Variants in RBFOX1 observed in about 807,000 individuals in gnomAD.
RBFOX1 encodes RNA binding protein fox-1 homolog 1.
Under a neutral mutation model 57.7 loss-of-function variants are expected in RBFOX1, and 8 were observed. The ratio of observed to expected loss-of-function variants is 0.14; its 90% CI spans 0.08 to 0.25. The LOEUF is 0.25. Ranked by LOEUF, RBFOX1 falls within the 10% of genes least tolerant of loss-of-function variation. The pLI is 1.00. For missense variants in RBFOX1, 611 were observed against 548.5 expected (o/e 1.11, Z -1.14); for synonymous variants, 326 against 222.4 (o/e 1.47, Z -4.15).
At chr16:6,982,454 C>T (rs574206699) in intron 3 of RBFOX1, among the ~76,000 whole-genome samples, 6 of 152,240 alleles carry the variant, frequency 3.9e-5, no homozygotes, top group Middle Eastern at 3.4e-3. Flanking sequence ...TTCATTGCAG[C>T]GAGCTCCTTC....
At position 5,384,635 on chromosome 16, in the gene RBFOX1, T is replaced by C. The variant is rs149224783; in HGVS notation, c.220-82581T>C. The stretch of plus-strand genomic sequence containing the variant: ...ATTCTAGGTTTTTGAGCAGAAGAAG[T>C]AGTTGATAAAAATGAAATTTTATGA... On this transcript the variant is annotated intron_variant, in intron 1 of 2. Coordinates refer to the RBFOX1 transcript ENST00000585867. Among the ~76,000 whole-genome samples, 492 of 152,126 alleles carry C rather than the reference T, an allele frequency of 3.2e-3. 6 individuals carry two copies. Among genetic ancestry groups the C allele is most frequent in the African/African-American group, 0.011 (475 of 41,490 alleles).
intron 1 of RBFOX1, among the ~76,000 whole-genome samples, chr16:5,434,630 T>C (rs2151521921): frequency 1.3e-5 from 2 of 152,210 alleles, no homozygotes; most frequent in South Asian, 2.1e-4. Context: ...TGTTGTGAGT[T>C]CTCCTTCGTG....
chr16:6,691,907 G>T (rs2060260643), intron 3 of RBFOX1, among the ~76,000 whole-genome samples: 1 of 150,860 alleles, frequency 6.6e-6, no homozygotes, highest in Non-Finnish European at 1.5e-5. Context: ...CTACTTTTCT[G>T]GTTTTGAATA....
intron 1 of RBFOX1, among the ~76,000 whole-genome samples, chr16:5,407,691 G>C (rs556729837): frequency 6.6e-6 from 1 of 152,300 alleles, no homozygotes; most frequent in South Asian, 2.1e-4. Context: ...TGGGATTACA[G>C]GGACCCACCA....
intron 3 of RBFOX1, among the ~76,000 whole-genome samples, chr16:7,016,511 T>G (rs1309632167): frequency 6.6e-6 from 1 of 152,146 alleles, no homozygotes; most frequent in Non-Finnish European, 1.5e-5. Flanking sequence ...ACAGCCACAG[T>G]GTATTCAGCA....
chr16:7,135,219 C>T (rs1450616535), intron 4 of RBFOX1, among the ~76,000 whole-genome samples: 1 of 152,134 alleles, frequency 6.6e-6, no homozygotes, highest in Non-Finnish European at 1.5e-5. Flanking sequence ...AATTAAGTTT[C>T]AGCCCTGTCT....
chr16:6,669,260 C>G (rs757206571), intron 3 of RBFOX1, among the ~76,000 whole-genome samples: 2 of 152,084 alleles, frequency 1.3e-5, no homozygotes, highest in Non-Finnish European at 2.9e-5. Flanking sequence ...AAACCATGCC[C>G]GTGTGTGTGC....
chr16:5,657,619 T>C (rs1469604281), intron 3 of RBFOX1, among the ~76,000 whole-genome samples: 1 of 82,770 alleles, frequency 1.2e-5, no homozygotes, highest in African/African-American at 6.4e-5. Context: ...TTTCTTTCTT[T>C]CTCTCTTTCT....
At chr16:5,484,403 C>G (rs1002354589) in intron 2 of RBFOX1, among the ~76,000 whole-genome samples, 15 of 152,186 alleles carry the variant, frequency 9.9e-5, no homozygotes, top group African/African-American at 3.4e-4. Flanking sequence ...GAGAGGGCAC[C>G]CAAGTCAGAA....
At chr16:6,379,356 C>G (rs776734341) in intron 2 of RBFOX1, among the ~76,000 whole-genome samples, 1 of 152,204 alleles carries the variant, frequency 6.6e-6, no homozygotes, top group South Asian at 2.1e-4. Context: ...TCCCAGTTAG[C>G]CAGGATATTC....
intron 2 of RBFOX1, among the ~76,000 whole-genome samples, chr16:6,317,449 C>A (rs2081251013): frequency 6.6e-6 from 1 of 151,920 alleles, no homozygotes; most frequent in African/African-American, 2.4e-5. Context: ...AAACACAGAT[C>A]AGTTACCGAG....
At chr16:7,242,930 C>T (rs1047980977) in intron 4 of RBFOX1, among the ~76,000 whole-genome samples, 9 of 152,160 alleles carry the variant, frequency 5.9e-5, no homozygotes, top group African/African-American at 1.7e-4. Flanking sequence ...GGGGCTGTGT[C>T]GGCCTTACCT....
rs761051429 is a variant in RBFOX1, at chr16:7,509,741, A to C, written c.28-8406A>C. Among the ~76,000 whole-genome samples the C allele has an allele frequency of 1.5e-3, 232 of 151,586 alleles. 1 individual carries two copies. Among genetic ancestry groups the C allele is most frequent in the Middle Eastern group, 0.01 (3 of 292 alleles). On this transcript the variant is annotated intron_variant, in intron 4 of 15. Coordinates refer to ENST00000550418, the MANE Select transcript of RBFOX1 (RefSeq NM_018723.4). Reference sequence around the variant, plus strand: ...AAAATTTACCTATTGCTATCTCTCTATCTCTTTAAACTTTTTTCATCCATC... The same window carrying C: ...AAAATTTACCTATTGCTATCTCTCTCTCTCTTTAAACTTTTTTCATCCATC...
At chr16:6,059,038 A>C (rs1248024236) in intron 1 of RBFOX1, among the ~76,000 whole-genome samples, 2 of 152,226 alleles carry the variant, frequency 1.3e-5, no homozygotes, top group Non-Finnish European at 2.9e-5. Flanking sequence ...GCAAAAGCAA[A>C]CACCACCACA....
intron 1 of RBFOX1, among the ~76,000 whole-genome samples, chr16:6,306,537 G>A (rs1479528246): frequency 1.3e-5 from 2 of 152,156 alleles, no homozygotes; most frequent in African/African-American, 4.8e-5. Flanking sequence ...TAGCACGTGT[G>A]TGCCAGGCCA....
chr16:6,763,953 A>G (rs2076981371), intron 3 of RBFOX1, among the ~76,000 whole-genome samples: 1 of 152,174 alleles, frequency 6.6e-6, no homozygotes, highest in Non-Finnish European at 1.5e-5. Context: ...TGAGTCCTGG[A>G]GAAAGTTGAA....
intron 4 of RBFOX1, among the ~76,000 whole-genome samples, chr16:7,448,863 T>A (rs1357437881): frequency 1.3e-5 from 2 of 150,732 alleles, no homozygotes; most frequent in African/African-American, 4.9e-5. Flanking sequence ...TCATCTTAAC[T>A]AAATACATCT....
At chr16:6,840,864 G>A (rs1458562378) in intron 3 of RBFOX1, among the ~76,000 whole-genome samples, 5 of 143,310 alleles carry the variant, frequency 3.5e-5, no homozygotes, top group African/African-American at 8.1e-5. Context: ...TCTAGCCTGG[G>A]CGACGAAAGT....
At chr16:6,780,425 T>TATATTTATAG (rs1389469576) in intron 3 of RBFOX1, among the ~76,000 whole-genome samples, 3 of 108,928 alleles carry the variant, frequency 2.8e-5, no homozygotes, top group African/African-American at 1.2e-4. Flanking sequence ...TATATTTATA[T>TATATTTATAG]ATATTTATAG....
Sources: gnomAD v4.1 joint callset for allele counts (sites outside exome capture counted in the v4.1 genomes callset) on GRCh38, gnomAD v4.1.1 for gene constraint, MANE v1.5 for transcripts, NCBI Gene and HGNC (gene_info 2026-07-23, HGNC 2026-07-21) for gene names.